CLIC5: variants seen among roughly 807,000 people sequenced by gnomAD.
The protein encoded by CLIC5 is chloride intracellular channel protein 5.
Under a neutral mutation model 24.7 loss-of-function variants are expected in CLIC5, and 20 were observed. The ratio of observed to expected loss-of-function variants is 0.81; its 90% confidence interval spans 0.57 to 1.18. The LOEUF (loss-of-function observed/expected upper bound fraction) is 1.18. Among genes scored for constraint, CLIC5 ranks in the 50% most tolerant of loss-of-function variants. The pLI, the probability that CLIC5 is intolerant of heterozygous loss-of-function variation, is 0.00. For synonymous variants in CLIC5, 159 were observed against 135.6 expected, an observed-to-expected ratio of 1.17 and a Z score of -1.20; for missense variants, 341 against 326.1, an observed-to-expected ratio of 1.05 and a Z score of -0.35.
rs748236960 is a variant in CLIC5, at chr6:46,080,120, C to T, written c.123G>A (p.Arg41=). 4.5e-6 allele frequency: 7 copies of T among 1,551,686 alleles called. No individual in the cohort carries two copies. In the East Asian group the frequency reaches 1.7e-4, roughly 38 times the overall value. Residue 41 remains arginine, a synonymous_variant, in exon 1 of 6, where the codon AGG becomes AGA. Transcript: ENST00000185206. ...GAGTGGCATATAAATCATTTTCTGG[C>T]CTTAAGTACTCATGGACATCATCAT...
intron 1 of CLIC5, among the ~76,000 whole-genome samples, chr6:46,033,071 C>T (rs1291362776): frequency 2.8e-5 from 4 of 143,424 alleles, no homozygotes; most frequent in East Asian, 2.3e-4. Flanking sequence ...TCACTGCAAA[C>T]TCCGCCTCCC....
intron 1 of CLIC5, among the ~76,000 whole-genome samples, chr6:46,013,725 T>C (rs1036286320): frequency 6.6e-5 from 10 of 152,222 alleles, no homozygotes; most frequent in Non-Finnish European, 1.0e-4. Context: ...TCTCCACACC[T>C]AGGAGTGGGG....
At chr6:46,016,342 T>A (rs182946032), upstream of CLIC5, among the ~76,000 whole-genome samples, 446 of 152,134 alleles carry the variant, frequency 2.9e-3, 1 homozygote, top group African/African-American at 9.4e-3. Context: ...CCTGTCTTAG[T>A]GATGCTCAGA....
At chr6:46,065,122 G>C (rs935071830) in intron 1 of CLIC5, among the ~76,000 whole-genome samples, 3 of 152,116 alleles carry the variant, frequency 2.0e-5, no homozygotes, top group Admixed American at 1.3e-4. Context: ...TTGAATAGGT[G>C]CTTCACCAAA....
chr6:45,917,646 C>T (rs2127319941), intron 4 of CLIC5, among the ~76,000 whole-genome samples: 2 of 152,310 alleles, frequency 1.3e-5, no homozygotes, highest in South Asian at 4.1e-4. Context: ...TGTGCTGAAA[C>T]ACTACCATAT....
At chr6:45,942,935 C>A (rs1004086043) in intron 3 of CLIC5, among the ~76,000 whole-genome samples, 1 of 152,180 alleles carries the variant, frequency 6.6e-6, no homozygotes, top group Non-Finnish European at 1.5e-5. Flanking sequence ...GGTGGAGGGA[C>A]GATGAGAACC....
chr6:46,071,838 A>G (rs1345039711), intron 1 of CLIC5, among the ~76,000 whole-genome samples: 1 of 152,202 alleles, frequency 6.6e-6, no homozygotes, highest in Admixed American at 6.5e-5. Context: ...AATCAACCTG[A>G]ATGCCTATAA....
At chr6:45,971,834 G>C (rs1031227789) in intron 1 of CLIC5, among the ~76,000 whole-genome samples, 7 of 152,162 alleles carry the variant, frequency 4.6e-5, no homozygotes, top group African/African-American at 1.7e-4. Context: ...CAGAGAAGAG[G>C]CCTGCTGAAG....
At chr6:46,086,520 T>C in the CLIC5 span, among the ~76,000 whole-genome samples, 1 of 152,172 alleles carries the variant, frequency 6.6e-6, no homozygotes, top group Non-Finnish European at 1.5e-5. Context: ...ATGGAGTGTG[T>C]GGATTGTGGG....
chr6:46,051,474 A>G (rs1478392770), intron 1 of CLIC5, among the ~76,000 whole-genome samples: 1 of 152,214 alleles, frequency 6.6e-6, no homozygotes, highest in African/African-American at 2.4e-5. Flanking sequence ...AAGTGAGGAT[A>G]AAGTCTTGAT....
At chr6:46,092,042 T>C in the CLIC5 span, among the ~76,000 whole-genome samples, 586 of 152,340 alleles carry the variant, frequency 3.8e-3, 3 homozygotes, top group African/African-American at 0.013. Flanking sequence ...TTTTTGATGA[T>C]AGCCATTCTA....
At chr6:45,961,920 A>G (rs1764855667) in intron 1 of CLIC5, among the ~76,000 whole-genome samples, 1 of 152,162 alleles carries the variant, frequency 6.6e-6, no homozygotes, top group Non-Finnish European at 1.5e-5. Flanking sequence ...TATGGGCTTA[A>G]TTAGCTCTAT....
At chr6:45,893,076 C>T (rs1405373064) in intron 6 of CLIC5, among the ~76,000 whole-genome samples, 4 of 152,238 alleles carry the variant, frequency 2.6e-5, no homozygotes, top group South Asian at 2.1e-4. Context: ...ATGTCTTTTT[C>T]GGATGTTGAA....
intron 4 of CLIC5, among the ~76,000 whole-genome samples, chr6:45,919,303 A>G (rs1346574666): frequency 6.6e-6 from 1 of 152,072 alleles, no homozygotes; most frequent in African/African-American, 2.4e-5. Flanking sequence ...TCTGGAATCT[A>G]TGGGTGGAAG....
In CLIC5 at chr6:46,077,637, A is replaced by G. The variant is rs539736260; in HGVS notation, c.540+2066T>C. The stretch of plus-strand genomic sequence containing the variant: ...AGTGTGGAGCTAGGAAGCAGGGATT[A>G]TAACTGCCGCTCTTTTTATTACTGA... On this transcript the variant is annotated intron_variant, in intron 1 of 5. Transcript: ENST00000185206. Among the ~76,000 whole-genome samples the G allele has an allele frequency of 3.3e-5, 5 of 152,284 alleles. No individual in the cohort carries two copies. The East Asian group carries it at 9.7e-4, about 29-fold the overall frequency.
the CLIC5 span, among the ~76,000 whole-genome samples, chr6:46,101,133 A>G: frequency 1.3e-4 from 20 of 152,208 alleles, no homozygotes; most frequent in Non-Finnish European, 2.2e-4. Flanking sequence ...TAAGTCAACA[A>G]ATCCAGACAC....
intron 1 of CLIC5, among the ~76,000 whole-genome samples, chr6:46,077,061 A>C (rs1375082415): frequency 6.6e-6 from 1 of 152,034 alleles, no homozygotes; most frequent in Non-Finnish European, 1.5e-5. Context: ...GCTGCCCTCC[A>C]GCCTGGGTGG....
chr6:46,040,375 A>G (rs1256885961), intron 1 of CLIC5, among the ~76,000 whole-genome samples: 4 of 151,996 alleles, frequency 2.6e-5, no homozygotes, highest in Non-Finnish European at 4.4e-5. Flanking sequence ...AGGTGATGGG[A>G]ATGATGGTGG....
At chr6:45,960,166 T>C (rs1027469893) in intron 1 of CLIC5, among the ~76,000 whole-genome samples, 1 of 152,134 alleles carries the variant, frequency 6.6e-6, no homozygotes, top group Non-Finnish European at 1.5e-5. Flanking sequence ...ACACACCAGA[T>C]ATGTAATACT....
Sources: gnomAD v4.1 joint callset for allele counts (sites outside exome capture counted in the v4.1 genomes callset) on GRCh38, gnomAD v4.1.1 for gene constraint, MANE v1.5 for transcripts, NCBI Gene and HGNC (gene_info 2026-07-23, HGNC 2026-07-21) for gene names.